The following ZCCHC7 variants were observed in gnomAD, a reference collection of about 807,000 sequenced individuals.
ZCCHC7 encodes the protein zinc finger CCHC-type containing 7.
In ZCCHC7, 35 loss-of-function variants were observed where a neutral mutation model predicts 52.0. That is an observed-to-expected ratio of 0.67 (90% confidence interval 0.51 to 0.89). The LOEUF (loss-of-function observed/expected upper bound fraction) is 0.89. ZCCHC7 is among the 40% of genes least tolerant of loss of function. The pLI is 0.00. For synonymous variants in ZCCHC7, 217 were observed against 221.5 expected, an observed-to-expected ratio of 0.98 and a Z score of 0.18; for missense variants, 574 against 649.1, an observed-to-expected ratio of 0.88 and a Z score of 1.26.
At chr9:37,304,746 CAGCCT>C (rs1331861328) in intron 4 of ZCCHC7, among the ~76,000 whole-genome samples, 1 of 151,888 alleles carries the variant, frequency 6.6e-6, no homozygotes, top group African/African-American at 2.4e-5. Context: ...ATGTAGCTTA[CAGCCT>C]AGTGTCGGAG....
chr9:37,124,883 G>A (rs1234991875), intron 1 of ZCCHC7, among the ~76,000 whole-genome samples: 3 of 152,164 alleles, frequency 2.0e-5, no homozygotes, highest in African/African-American at 7.2e-5. Context: ...TAGACAGTCT[G>A]CTCTGTTGCC....
In ZCCHC7 at chr9:37,239,191, T is replaced by C. The variant is rs564087472; in HGVS notation, c.611-62997T>C. 2.6e-5 allele frequency among the ~76,000 whole-genome samples: 4 copies of C among 152,308 alleles called. No homozygotes were observed. In the East Asian group the frequency reaches 7.7e-4, roughly 29 times the overall value. On this transcript the variant is annotated intron_variant, in intron 2 of 8. Coordinates refer to ENST00000336755, the MANE Select transcript of ZCCHC7 (RefSeq NM_032226.3). ...TTATTATTGTGTGTTGCAGAAAGTA[T>C]TTCACTTAAATTTGAAAATAATTAT...
intron 2 of ZCCHC7, among the ~76,000 whole-genome samples, chr9:37,150,204 A>G (rs1442619404): frequency 1.3e-5 from 2 of 152,170 alleles, no homozygotes; most frequent in Admixed American, 1.3e-4. Context: ...GGAACAGACA[A>G]GAGCTTTAGG....
intron 2 of ZCCHC7, among the ~76,000 whole-genome samples, chr9:37,175,852 G>C (rs1219799903): frequency 6.6e-6 from 1 of 152,106 alleles, no homozygotes; most frequent in East Asian, 1.9e-4. Flanking sequence ...GATCTGACCA[G>C]CCTTTCTCTC....
At chr9:37,313,183 T>A (rs1403243317) in intron 5 of ZCCHC7, among the ~76,000 whole-genome samples, 2 of 152,240 alleles carry the variant, frequency 1.3e-5, no homozygotes, top group East Asian at 3.8e-4. Flanking sequence ...TTTAATGTTA[T>A]TTATAGGTAA....
At chr9:37,292,796 A>G (rs1828599924) in intron 2 of ZCCHC7, among the ~76,000 whole-genome samples, 4 of 152,318 alleles carry the variant, frequency 2.6e-5, no homozygotes, top group South Asian at 2.1e-4. Flanking sequence ...TTGCTTTGAT[A>G]AAAATTAATA....
intron 2 of ZCCHC7, among the ~76,000 whole-genome samples, chr9:37,161,505 G>C (rs1199259091): frequency 1.3e-5 from 2 of 152,018 alleles, no homozygotes; most frequent in Non-Finnish European, 2.9e-5. Flanking sequence ...AACCTGGCAG[G>C]CGGAGCTTGC....
chr9:37,331,545 G>C (rs1031210570), intron 6 of ZCCHC7, among the ~76,000 whole-genome samples: 1 of 151,588 alleles, frequency 6.6e-6, no homozygotes, highest in Non-Finnish European at 1.5e-5. Context: ...CCAGAAGGAA[G>C]GAATAAGAAG....
chr9:37,309,047 G>A (rs1024736833), intron 5 of ZCCHC7, among the ~76,000 whole-genome samples: 1 of 151,446 alleles, frequency 6.6e-6, no homozygotes, highest in Admixed American at 6.6e-5. Context: ...AAATAAAATA[G>A]GGTTGGGCTG....
intron 2 of ZCCHC7, among the ~76,000 whole-genome samples, chr9:37,199,991 C>T (rs898272286): frequency 1.3e-5 from 2 of 152,230 alleles, no homozygotes; most frequent in Non-Finnish European, 2.9e-5. Flanking sequence ...CAGGCGTGAG[C>T]CACTGTGCCA....
At chr9:37,186,099 G>A (rs1006337660) in intron 2 of ZCCHC7, among the ~76,000 whole-genome samples, 35 of 152,136 alleles carry the variant, frequency 2.3e-4, no homozygotes, top group African/African-American at 8.4e-4. Flanking sequence ...TTGTGGGGTT[G>A]GGGGTGTGTG....
chr9:37,208,373 A>G (rs1345536408), intron 2 of ZCCHC7, among the ~76,000 whole-genome samples: 1 of 152,172 alleles, frequency 6.6e-6, no homozygotes, highest in Non-Finnish European at 1.5e-5. Context: ...GACGTGAGCC[A>G]CCACTCCCGG....
rs1249887502 is a variant in ZCCHC7, at chr9:37,289,540, T to C, written c.611-12648T>C. Among the ~76,000 whole-genome samples, 5 of 152,208 alleles carry C rather than the reference T, an allele frequency of 3.3e-5. No individual in the cohort carries two copies. The East Asian group carries it at 5.8e-4, about 18-fold the overall frequency. Reference sequence around the variant, plus strand: ...TTCCTCTACTTCTCAGCATACCCACTACTCCACCCTGGTCAGAGGTACTAT... The same window carrying C: ...TTCCTCTACTTCTCAGCATACCCACCACTCCACCCTGGTCAGAGGTACTAT... On this transcript the variant is annotated intron_variant, in intron 2 of 8. Transcript: ENST00000336755.
chr9:37,223,027 G>A (rs1345811161), intron 2 of ZCCHC7, among the ~76,000 whole-genome samples: 21 of 152,100 alleles, frequency 1.4e-4, no homozygotes, highest in Admixed American at 6.5e-5. Context: ...ATGTATGTAT[G>A]TATATGGCTA....
intron 2 of ZCCHC7, among the ~76,000 whole-genome samples, chr9:37,283,548 C>A (rs114158577): frequency 2.0e-5 from 3 of 151,804 alleles, no homozygotes; most frequent in African/African-American, 7.3e-5. Flanking sequence ...TTTATTTGAC[C>A]CCTCTTTTTC....
At chr9:37,161,516 A>G (rs940900665) in intron 2 of ZCCHC7, among the ~76,000 whole-genome samples, 2 of 152,070 alleles carry the variant, frequency 1.3e-5, no homozygotes, top group African/African-American at 2.4e-5. Context: ...CGGAGCTTGC[A>G]GTGAGCCAAG....
chr9:37,290,170 T>C (rs1828465605), intron 2 of ZCCHC7, among the ~76,000 whole-genome samples: 1 of 152,222 alleles, frequency 6.6e-6, no homozygotes, highest in Non-Finnish European at 1.5e-5. Flanking sequence ...TGTTCATTGA[T>C]ATGTATATCC....
intron 5 of ZCCHC7, among the ~76,000 whole-genome samples, chr9:37,306,796 T>A: frequency 1.4e-5 from 1 of 72,210 alleles, no homozygotes; most frequent in African/African-American, 6.4e-5. Context: ...TTTTTTTTTT[T>A]TTTTTTTTGG....
In ZCCHC7 at chr9:37,220,166, A is replaced by G. The variant is rs531762931; in HGVS notation, c.611-82022A>G. Among the ~76,000 whole-genome samples the G allele has an allele frequency of 3.3e-5, 5 of 152,320 alleles. No homozygotes were observed. The East Asian group carries it at 9.6e-4, about 29-fold the overall frequency. ...TACTATGCTCAGTGTTTGAGAAGCT[A>G]TGTAGGATATATATTGTGATCATGT... On this transcript the variant is annotated intron_variant, in intron 2 of 8. Coordinates refer to ENST00000336755, the MANE Select transcript of ZCCHC7 (RefSeq NM_032226.3).
Sources: gnomAD v4.1 joint callset for allele counts (sites outside exome capture counted in the v4.1 genomes callset) on GRCh38, gnomAD v4.1.1 for gene constraint, MANE v1.5 for transcripts, NCBI Gene and HGNC (gene_info 2026-07-23, HGNC 2026-07-21) for gene names.